LPA: variants seen among roughly 807,000 people sequenced by gnomAD.
LPA encodes the protein lipoprotein(a).
In LPA, 199 loss-of-function variants were observed where a neutral mutation model predicts 197.9. That is an observed-to-expected ratio of 1.01 (90% CI 0.90 to 1.13). The LOEUF (loss-of-function observed/expected upper bound fraction) is 1.13. Ranked by LOEUF, LPA falls within the 50% of genes most tolerant of loss-of-function variation. The pLI is 0.00. For missense variants in LPA, 1,853 were observed against 1,785.8 expected (o/e 1.04, Z -0.68); for synonymous variants, 715 against 639.5 (o/e 1.12, Z -1.78).
chr6:160,600,523 G>C (rs1255325649), intron 19 of LPA, among the ~76,000 whole-genome samples: 1 of 152,158 alleles, frequency 6.6e-6, no homozygotes, highest in Non-Finnish European at 1.5e-5. Flanking sequence ...ACATTTCTCG[G>C]AATCTGCAAT....
chr6:160,553,919 T>TG (rs1778206651), intron 30 of LPA, among the ~76,000 whole-genome samples: 18 of 111,432 alleles, frequency 1.6e-4, no homozygotes, highest in African/African-American at 4.3e-4. Flanking sequence ...CTCTCTCTCT[T>TG]TCTCTCTCTC....
At chr6:160,646,963 A>C (rs557262038) in intron 2 of LPA, among the ~76,000 whole-genome samples, 8 of 152,192 alleles carry the variant, frequency 5.3e-5, no homozygotes, top group Admixed American at 4.6e-4. Context: ...TTTCCCATGG[A>C]AAAGCATTGT....
At chr6:160,551,935 A>C (rs902320097) in intron 30 of LPA, among the ~76,000 whole-genome samples, 2 of 137,224 alleles carry the variant, frequency 1.5e-5, no homozygotes, top group African/African-American at 5.5e-5. Context: ...TTTTTTTGAG[A>C]CAGTGTCTCA....
Position 160,650,400 on chromosome 6 carries a change from G to A in LPA, c.147C>T (p.Cys49=). 1 of 1,613,876 alleles carries A rather than the reference G, an allele frequency of 6.2e-7. No individual in the cohort carries two copies. Among genetic ancestry groups the A allele is most frequent in the Non-Finnish European group, 8.5e-7 (1 of 1,179,802 alleles). Residue 49 remains cysteine (C), a synonymous_variant, in exon 2 of 39, where the codon TGC becomes TGT. Coordinates refer to ENST00000316300, the MANE Select transcript of LPA (RefSeq NM_005577.4). Reference sequence around the variant, plus strand: ...GTGGTGTCATAGATGACCAAGCTTGGCAGGTCCTTCCTGTGACAGTGGTGG... The same window carrying A: ...GTGGTGTCATAGATGACCAAGCTTGACAGGTCCTTCCTGTGACAGTGGTGG... ...TYSTTVTGRT[C]QAWSSMTPHQ...
At chr6:160,534,305 C>T (rs1777851779) in intron 37 of LPA, among the ~76,000 whole-genome samples, 1 of 152,192 alleles carries the variant, frequency 6.6e-6, no homozygotes, top group Admixed American at 6.5e-5. Context: ...CTGAGCAAGG[C>T]AAACATCCTG....
intron 28 of LPA, among the ~76,000 whole-genome samples, chr6:160,575,695 A>G (rs1778641941): frequency 6.6e-6 from 1 of 152,294 alleles, no homozygotes; most frequent in Non-Finnish European, 1.5e-5. Context: ...CTAGCTGGTA[A>G]GAACTCAAAT....
At chr6:160,572,616 C>T (rs1778583295) in intron 28 of LPA, among the ~76,000 whole-genome samples, 1 of 151,270 alleles carries the variant, frequency 6.6e-6, no homozygotes, top group East Asian at 2.0e-4. Context: ...GGTGAATTCT[C>T]TTAGCATTTG....
At chr6:160,586,091 T>G (rs1312235222) in intron 25 of LPA, among the ~76,000 whole-genome samples, 2 of 152,188 alleles carry the variant, frequency 1.3e-5, no homozygotes, top group African/African-American at 4.8e-5. Context: ...AAACACTGCC[T>G]ACTTGAAGAA....
intron 28 of LPA, among the ~76,000 whole-genome samples, chr6:160,568,991 A>G (rs1434646530): frequency 6.6e-6 from 1 of 152,218 alleles, no homozygotes; most frequent in African/African-American, 2.4e-5. Flanking sequence ...GAGGACACAA[A>G]CAAATGGAAG....
intron 7 of LPA, among the ~76,000 whole-genome samples, chr6:160,634,684 GT>G (rs1227286646): frequency 6.6e-6 from 1 of 151,720 alleles, no homozygotes; most frequent in Non-Finnish European, 1.5e-5. Context: ...ATGCAGCCCT[GT>G]TAGGTTTCTC....
rs574372294 is a variant in LPA at position 160,634,817 on chromosome 6, G to C, written c.1075+306C>G. Among the ~76,000 whole-genome samples the C allele has an allele frequency of 1.4e-4, 21 of 150,348 alleles. No individual in the cohort carries two copies. The East Asian group carries it at 3.3e-3, about 24-fold the overall frequency. ...CTGCGACAGAAAGAATCACACACCT[G>C]ACAGCACGTTACAATAAAAATTTTG... On this transcript the variant is annotated intron_variant, in intron 7 of 38. Transcript: ENST00000316300.
chr6:160,656,885 T>C (rs990771515), intron 1 of LPA, among the ~76,000 whole-genome samples: 5 of 152,310 alleles, frequency 3.3e-5, no homozygotes, highest in Admixed American at 2.6e-4. Flanking sequence ...CAAGTAGGAA[T>C]ACAGTAGGTT....
At chr6:160,588,035 T>C (rs1050777318) in intron 24 of LPA, among the ~76,000 whole-genome samples, 1 of 146,398 alleles carries the variant, frequency 6.8e-6, no homozygotes, top group African/African-American at 2.8e-5. Flanking sequence ...GCTGACATTT[T>C]CCTGAAACAC....
chr6:160,575,434 A>G (rs1191185584), intron 28 of LPA, among the ~76,000 whole-genome samples: 1 of 152,196 alleles, frequency 6.6e-6, no homozygotes, highest in African/African-American at 2.4e-5. Context: ...TTTTAAATTT[A>G]TGTCACATAT....
At chr6:160,595,322 A>T (rs755470698) in intron 21 of LPA, 32 bp downstream of exon 21, 4 of 1,609,300 alleles carry the variant, frequency 2.5e-6, no homozygotes, top group Non-Finnish European at 3.4e-6. Context: ...CCAACGTCCT[A>T]GGGTGTGGTT....
At chr6:160,603,195 G>C (rs902465367) in intron 18 of LPA, among the ~76,000 whole-genome samples, 21 of 151,392 alleles carry the variant, frequency 1.4e-4, no homozygotes, top group African/African-American at 4.1e-4. Context: ...CCGCCTGTCT[G>C]TGAGGATCAG....
At position 160,545,504 on chromosome 6, in the gene LPA, A is replaced by G. The variant is rs368837483; in HGVS notation, c.5334T>C (p.Asn1778=). Residue 1778 remains asparagine, a synonymous_variant, in exon 33 of 39, where the codon AAT becomes AAC. Coordinates refer to ENST00000316300, the MANE Select transcript of LPA (RefSeq NM_005577.4). ...NYCRNPDGDI[N]GPWCYTMNPR... The stretch of plus-strand genomic sequence containing the variant: ...GATTCATTGTGTAGCACCAGGGACC[A>G]TTGATGTCACCATCAGGGTTACGGC... 4 of 1,613,490 alleles carry G rather than the reference A, an allele frequency of 2.5e-6. No individual in the cohort carries two copies. The highest frequency in any genetic ancestry group is 3.4e-6 in the Non-Finnish European group (4 of 1,179,512).
chr6:160,587,751 TTG>T (rs67979615), intron 24 of LPA, among the ~76,000 whole-genome samples: 37,855 of 125,132 alleles, frequency 0.3, 6,023 homozygotes, highest in Non-Finnish European at 0.38. Context: ...GGTTCAGTCT[TTG>T]TGTGTGTGTG....
In LPA at chr6:160,654,792, T is replaced by C. The variant is rs186711612; in HGVS notation, c.50-4295A>G. On this transcript the variant is annotated intron_variant, in intron 1 of 38. Transcript: ENST00000316300. ...AAGGAAATAAAATAAAGATATTTTC[T>C]TAGCACAAGTGTACACATGCATTTA... 5.3e-5 allele frequency among the ~76,000 whole-genome samples: 8 copies of C among 152,368 alleles called. No homozygotes were observed. The East Asian group carries it at 1.5e-3, about 29-fold the overall frequency.
Sources: allele counts gnomAD v4.1 joint callset (sites outside exome capture counted in the v4.1 genomes callset), GRCh38; gene constraint gnomAD v4.1.1; transcripts MANE v1.5; gene names NCBI Gene and HGNC (gene_info 2026-07-23, HGNC 2026-07-21).